CDH13: variants seen among roughly 807,000 people sequenced by gnomAD.
CDH13 encodes cadherin 13.
In CDH13, 24 loss-of-function variants were observed where a neutral mutation model predicts 63.8. The observed-to-expected ratio is 0.38, with a 90% confidence interval of 0.27 to 0.53. CDH13 has a LOEUF of 0.53. CDH13 is among the 20% of genes least tolerant of loss of function. The pLI, the probability that CDH13 is intolerant of heterozygous loss-of-function variation, is 0.85. For synonymous variants in CDH13, 503 were observed against 355.3 expected, an observed-to-expected ratio of 1.42 and a Z score of -4.67; for missense variants, 1,049 against 903.1, an observed-to-expected ratio of 1.16 and a Z score of -2.07.
chr16:83,648,645 T>C (rs1450286973), intron 8 of CDH13, among the ~76,000 whole-genome samples: 1 of 152,188 alleles, frequency 6.6e-6, no homozygotes. Context: ...CTGGGAATGC[T>C]GAAAACACTA....
At chr16:83,179,093 T>C (rs551257040) in intron 4 of CDH13, among the ~76,000 whole-genome samples, 78 of 152,288 alleles carry the variant, frequency 5.1e-4, no homozygotes, top group African/African-American at 1.8e-3. Flanking sequence ...GAGTCTCACA[T>C]CAGAGCAAAT....
At chr16:83,686,163 T>G (rs1464377102) in intron 10 of CDH13, among the ~76,000 whole-genome samples, 1 of 152,210 alleles carries the variant, frequency 6.6e-6, no homozygotes, top group Non-Finnish European at 1.5e-5. Flanking sequence ...CGGAGCTTCC[T>G]CCGTACCACT....
chr16:82,719,997 C>A (rs1348045741), intron 1 of CDH13, among the ~76,000 whole-genome samples: 3 of 152,046 alleles, frequency 2.0e-5, no homozygotes, highest in African/African-American at 7.2e-5. Flanking sequence ...GAGTTAAATT[C>A]TTACGGCACG....
At chr16:82,810,505 C>G (rs2037389456) in intron 1 of CDH13, among the ~76,000 whole-genome samples, 1 of 152,088 alleles carries the variant, frequency 6.6e-6, no homozygotes, top group Non-Finnish European at 1.5e-5. Flanking sequence ...CCACTTTGGC[C>G]TGGAATGAGA....
chr16:82,770,925 C>G (rs948069693), intron 1 of CDH13, among the ~76,000 whole-genome samples: 2 of 152,124 alleles, frequency 1.3e-5, no homozygotes, highest in East Asian at 3.9e-4. Flanking sequence ...CCAGGCTGGT[C>G]TTGAACTACT....
At chr16:83,481,053 C>T (rs1243560675) in intron 6 of CDH13, among the ~76,000 whole-genome samples, 1 of 152,216 alleles carries the variant, frequency 6.6e-6, no homozygotes, top group Non-Finnish European at 1.5e-5. Flanking sequence ...AATTAGAACT[C>T]ACTGCCTCCT....
At chr16:83,005,005 A>G (rs1913334909) in intron 2 of CDH13, among the ~76,000 whole-genome samples, 1 of 152,178 alleles carries the variant, frequency 6.6e-6, no homozygotes, top group African/African-American at 2.4e-5. Context: ...TTTAAAGGAC[A>G]TTGACTAGAA....
chr16:82,735,269 G>C (rs1429057320), intron 1 of CDH13, among the ~76,000 whole-genome samples: 1 of 152,198 alleles, frequency 6.6e-6, no homozygotes, highest in South Asian at 2.1e-4. Flanking sequence ...AGGGTGTACA[G>C]AAGGAACACT....
At chr16:83,457,023 C>A (rs1335440381) in intron 6 of CDH13, among the ~76,000 whole-genome samples, 1 of 152,112 alleles carries the variant, frequency 6.6e-6, no homozygotes, top group African/African-American at 2.4e-5. Context: ...GCCAGGTAAG[C>A]AAGAGGCAGG....
intron 5 of CDH13, among the ~76,000 whole-genome samples, chr16:83,290,263 C>T (rs2089434235): frequency 6.6e-6 from 1 of 152,178 alleles, no homozygotes; most frequent in African/African-American, 2.4e-5. Context: ...TCTTTTCAAA[C>T]AATTCACTCT....
chr16:83,062,185 C>G (rs207476222), intron 3 of CDH13, among the ~76,000 whole-genome samples: 1 of 152,180 alleles, frequency 6.6e-6, no homozygotes, highest in Non-Finnish European at 1.5e-5. Context: ...ATTTTACTGT[C>G]TGGTTAAATA....
intron 3 of CDH13, among the ~76,000 whole-genome samples, chr16:83,120,653 C>G (rs1223654940): frequency 5.3e-5 from 8 of 151,320 alleles, no homozygotes; most frequent in African/African-American, 1.9e-4. Flanking sequence ...TCAGATATTA[C>G]AAATATATTT....
At chr16:83,706,517 A>G (rs1907079934) in intron 10 of CDH13, among the ~76,000 whole-genome samples, 1 of 152,224 alleles carries the variant, frequency 6.6e-6, no homozygotes, top group South Asian at 2.1e-4. Context: ...TTCAGATTCC[A>G]GCTTCATTGC....
chr16:83,303,827 C>A (rs1171423123), intron 5 of CDH13, among the ~76,000 whole-genome samples: 6 of 152,156 alleles, frequency 3.9e-5, no homozygotes, highest in Admixed American at 3.9e-4. Flanking sequence ...TCTACCCACC[C>A]TTAAACTACA....
chr16:82,881,288 C>T (rs1239006671), intron 2 of CDH13, among the ~76,000 whole-genome samples: 1 of 152,030 alleles, frequency 6.6e-6, no homozygotes, highest in Non-Finnish European at 1.5e-5. Flanking sequence ...GAAAGCTGAC[C>T]TCAGATGAGG....
At chr16:83,626,332 C>T (rs1910300796) in intron 8 of CDH13, among the ~76,000 whole-genome samples, 1 of 152,178 alleles carries the variant, frequency 6.6e-6, no homozygotes, top group African/African-American at 2.4e-5. Flanking sequence ...CACACACTGT[C>T]TGGGACCTTC....
At chr16:83,774,453 A>G (rs373144835) in intron 11 of CDH13, among the ~76,000 whole-genome samples, 42 of 152,152 alleles carry the variant, frequency 2.8e-4, no homozygotes, top group African/African-American at 9.4e-4. Context: ...GCTCACTGCA[A>G]CCTCTGCCTC....
chr16:83,705,631 G>T (rs1227764641), intron 10 of CDH13, among the ~76,000 whole-genome samples: 2 of 152,166 alleles, frequency 1.3e-5, no homozygotes, highest in African/African-American at 2.4e-5. Context: ...CAAAAGAAAA[G>T]AAAAAGAATG....
intron 1 of CDH13, among the ~76,000 whole-genome samples, chr16:82,696,956 C>T (rs1211941477): frequency 6.6e-6 from 1 of 152,146 alleles, no homozygotes; most frequent in Non-Finnish European, 1.5e-5. Context: ...CCACAATAGG[C>T]TCTGCATAGG....
Sources: allele counts gnomAD v4.1 joint callset (sites outside exome capture counted in the v4.1 genomes callset), GRCh38; gene constraint gnomAD v4.1.1; transcripts MANE v1.5; gene names NCBI Gene and HGNC (gene_info 2026-07-23, HGNC 2026-07-21).